The following GRK3 variants were observed in gnomAD, a reference collection of about 807,000 sequenced individuals.
GRK3 encodes the protein G protein-coupled receptor kinase 3.
Under a neutral mutation model 95.7 loss-of-function variants are expected in GRK3, and 54 were observed. The ratio of observed to expected loss-of-function variants is 0.56; its 90% CI spans 0.45 to 0.71. The LOEUF is 0.71. Ranked by LOEUF, GRK3 falls within the 30% of genes least tolerant of loss-of-function variation. The pLI, the probability that GRK3 is intolerant of heterozygous loss-of-function variation, is 0.00. For synonymous variants in GRK3, 281 were observed against 290.8 expected (o/e 0.97, Z 0.34); for missense variants, 649 against 851.2 (o/e 0.76, Z 2.96).
At chr22:25,625,439 T>C (rs2084620301) in intron 2 of GRK3, among the ~76,000 whole-genome samples, 1 of 152,186 alleles carries the variant, frequency 6.6e-6, no homozygotes, top group East Asian at 1.9e-4. Flanking sequence ...GAAGGGCTCT[T>C]TGGTCTAGCG....
At chr22:25,610,179 T>A (rs2084485976) in intron 2 of GRK3, among the ~76,000 whole-genome samples, 1 of 152,126 alleles carries the variant, frequency 6.6e-6, no homozygotes, top group Non-Finnish European at 1.5e-5. Flanking sequence ...AAAAAATGAC[T>A]TGTCCAGGTG....
chr22:25,598,634 C>A (rs1184449117), intron 1 of GRK3, among the ~76,000 whole-genome samples: 2 of 151,806 alleles, frequency 1.3e-5, no homozygotes, highest in African/African-American at 4.8e-5. Flanking sequence ...ATGATCTCAT[C>A]ACTATACTCC....
intron 8 of GRK3, among the ~76,000 whole-genome samples, chr22:25,676,550 G>A (rs1438286974): frequency 1.3e-5 from 2 of 152,028 alleles, no homozygotes; most frequent in Non-Finnish European, 2.9e-5. Flanking sequence ...AATTAGCTGG[G>A]AGTTGTCATG....
intron 15 of GRK3, among the ~76,000 whole-genome samples, chr22:25,707,575 G>A (rs1219082563): frequency 1.3e-5 from 2 of 152,146 alleles, no homozygotes; most frequent in Non-Finnish European, 2.9e-5. Context: ...TGTGGAGGAC[G>A]AGGTGCCACC....
chr22:25,586,097 C>T (rs1172476943), intron 1 of GRK3, among the ~76,000 whole-genome samples: 1 of 152,200 alleles, frequency 6.6e-6, no homozygotes, highest in Non-Finnish European at 1.5e-5. Flanking sequence ...ATGCTTATAT[C>T]ATTGTGTAGT....
chr22:25,565,181 C>T, intron 1 of GRK3, 28 bp downstream of exon 1: 1 of 1,318,754 alleles, frequency 7.6e-7, no homozygotes, highest in Admixed American at 2.7e-5. Flanking sequence ...CGGCGCCGGC[C>T]CCAAGCCGCC....
intron 12 of GRK3, among the ~76,000 whole-genome samples, chr22:25,694,477 G>A (rs1013238854): frequency 6.6e-6 from 1 of 152,166 alleles, no homozygotes; most frequent in African/African-American, 2.4e-5. Flanking sequence ...TCAACTTCCT[G>A]AAAATCATCT....
At chr22:25,671,005 G>C (rs1282417684) in intron 6 of GRK3, among the ~76,000 whole-genome samples, 1 of 150,872 alleles carries the variant, frequency 6.6e-6, no homozygotes, top group East Asian at 1.9e-4. Flanking sequence ...AGTGAGCTGA[G>C]ATCGCGCCGC....
At chr22:25,568,321 A>T (rs547464889) in intron 1 of GRK3, among the ~76,000 whole-genome samples, 162 of 150,566 alleles carry the variant, frequency 1.1e-3, no homozygotes, top group Non-Finnish European at 1.5e-3. Flanking sequence ...TTTTTTTTTT[A>T]AAAAAAACAG....
intron 17 of GRK3, 61 bp from the exon 18 acceptor site, chr22:25,714,347 C>T (rs540011539): frequency 2.2e-5 from 33 of 1,467,350 alleles, no homozygotes; most frequent in Middle Eastern, 4.0e-4. Flanking sequence ...TGTGGCGCCG[C>T]GGACTCTTAC....
In GRK3 at chr22:25,615,028, C is replaced by T. The variant is rs2084527495; in HGVS notation, c.190+10575C>T. ...AACAGTTGTTAAGTGTGTTTACTAT[C>T]GCCAAGCAGCCCCTGAGATTCCCAG... On this transcript the variant is annotated intron_variant, in intron 2 of 20. Transcript: ENST00000324198. 2.0e-5 allele frequency among the ~76,000 whole-genome samples: 3 copies of T among 152,276 alleles called. No homozygotes were observed. In the South Asian group the frequency reaches 6.2e-4, roughly 32 times the overall value.
chr22:25,635,493 T>C (rs762106372), intron 2 of GRK3, among the ~76,000 whole-genome samples: 2 of 152,218 alleles, frequency 1.3e-5, no homozygotes, highest in East Asian at 3.8e-4. Context: ...GCTATAATTT[T>C]TCCTGGTTCA....
intron 4 of GRK3, among the ~76,000 whole-genome samples, chr22:25,662,778 G>A (rs2084917808): frequency 6.6e-6 from 1 of 152,174 alleles, no homozygotes; most frequent in Non-Finnish European, 1.5e-5. Flanking sequence ...TTTTTATGTA[G>A]TTCAGCAGTT....
In GRK3 at chr22:25,726,246, A is replaced by G. The variant is rs1487106708; in HGVS notation, c.*3796A>G. 1.3e-5 allele frequency: 2 copies of G among 152,212 alleles called. No homozygotes were observed. The highest frequency in any genetic ancestry group is 4.8e-5 in the African/African-American group (2 of 41,466). 9.4% of individuals were successfully genotyped at this position (152,212 alleles called of 1,614,324 possible). ...TCACTCGGAATTTGTAGCTGGGCCAATTCAACACATTTTACTTTTCAGTGG... is the reference window on the plus strand; with the variant it reads ...TCACTCGGAATTTGTAGCTGGGCCAGTTCAACACATTTTACTTTTCAGTGG... On this transcript the variant is annotated 3_prime_UTR_variant, in exon 21 of 21. Coordinates refer to ENST00000324198, the MANE Select transcript of GRK3 (RefSeq NM_005160.4).
intron 2 of GRK3, among the ~76,000 whole-genome samples, chr22:25,631,292 C>T (rs2084662424): frequency 6.6e-6 from 1 of 152,218 alleles, no homozygotes; most frequent in South Asian, 2.1e-4. Context: ...TGTTTATGAC[C>T]TCTGTATTAC....
At position 25,678,916 on chromosome 22, in the gene GRK3, G is replaced by A; in HGVS notation, c.747+1G>A. 2 of 1,524,920 alleles carry A rather than the reference G, an allele frequency of 1.3e-6. No homozygotes were observed. Among genetic ancestry groups the A allele is most frequent in the East Asian group, 2.3e-5 (1 of 43,642 alleles). 94.5% of individuals were successfully genotyped at this position (1,524,920 alleles called of 1,614,324 possible). ...CATGTTGTCTCTTGTCAGCACAGGA[G>A]TAAGTATTCAATTTCCAGCATTTCT... is the stretch of plus-strand genomic sequence containing the variant. On this transcript the variant is annotated splice_donor_variant, in intron 9 of 20. Coordinates refer to ENST00000324198, the MANE Select transcript of GRK3 (RefSeq NM_005160.4). LOFTEE classifies it high-confidence loss of function.
In GRK3 at chr22:25,609,577, G is replaced by A. The variant is rs376487112; in HGVS notation, c.190+5124G>A. 7.9e-5 allele frequency among the ~76,000 whole-genome samples: 12 copies of A among 151,996 alleles called. No individual in the cohort carries two copies. In the East Asian group the frequency reaches 1.9e-3, roughly 25 times the overall value. On this transcript the variant is annotated intron_variant, in intron 2 of 20. Coordinates refer to ENST00000324198, the MANE Select transcript of GRK3 (RefSeq NM_005160.4). The stretch of plus-strand genomic sequence containing the variant: ...AAGCTCCTGACCTTGTGATCTGCCC[G>A]CCTGGGCCTCCCAAAGTGCTGTGAT...
rs564055451 is a variant in GRK3 at position 25,587,848 on chromosome 22, C to G, written c.114-16529C>G. On this transcript the variant is annotated intron_variant, in intron 1 of 20. Coordinates refer to ENST00000324198, the MANE Select transcript of GRK3 (RefSeq NM_005160.4). Reference sequence around the variant, plus strand: ...CTCTTTTGCCTGCTGCTATGTAAGACGTACCCTTTGCCTTCCACCATGATT... The same window carrying G: ...CTCTTTTGCCTGCTGCTATGTAAGAGGTACCCTTTGCCTTCCACCATGATT... 7.2e-5 allele frequency among the ~76,000 whole-genome samples: 11 copies of G among 152,348 alleles called. No individual in the cohort carries two copies. The South Asian group carries it at 1.9e-3, about 26-fold the overall frequency.
chr22:25,687,694 G>T, intron 11 of GRK3, 27 bp downstream of exon 11: 2 of 1,613,054 alleles, frequency 1.2e-6, no homozygotes, highest in Non-Finnish European at 1.7e-6. Flanking sequence ...GACTCATTCT[G>T]CATAGTAGGT....
Sources: allele counts gnomAD v4.1 joint callset (sites outside exome capture counted in the v4.1 genomes callset), GRCh38; gene constraint gnomAD v4.1.1; transcripts MANE v1.5; gene names NCBI Gene and HGNC (gene_info 2026-07-23, HGNC 2026-07-21).